Variants in MAPK10 observed in about 807,000 individuals in gnomAD.
MAPK10 encodes the protein JNK3 alpha protein kinase.
MAPK10 carries 25 observed loss-of-function variants against 59.3 expected under a neutral mutation model. The ratio of observed to expected loss-of-function variants is 0.42; its 90% CI spans 0.31 to 0.59. The LOEUF is 0.59. MAPK10 is among the 20% of genes least tolerant of loss of function. The pLI is 0.15. For synonymous variants in MAPK10, 190 were observed against 200.5 expected, an observed-to-expected ratio of 0.95 and a Z score of 0.44; for missense variants, 351 against 568.9, an observed-to-expected ratio of 0.62 and a Z score of 3.90.
At chr4:86,434,045 T>C (rs1748389567) in intron 1 of MAPK10, among the ~76,000 whole-genome samples, 1 of 152,156 alleles carries the variant, frequency 6.6e-6, no homozygotes. Context: ...TGATGTAAAA[T>C]ATATATTTGA....
intron 1 of MAPK10, among the ~76,000 whole-genome samples, chr4:86,415,693 C>T (rs1485961741): frequency 2.0e-5 from 3 of 152,222 alleles, no homozygotes; most frequent in East Asian, 3.9e-4. Flanking sequence ...TTAATGGTGA[C>T]CATATATTTT....
At chr4:86,395,554 A>T (rs1742797334) in intron 1 of MAPK10, among the ~76,000 whole-genome samples, 1 of 152,212 alleles carries the variant, frequency 6.6e-6, no homozygotes, top group Non-Finnish European at 1.5e-5. Context: ...TTTGGGGCGG[A>T]GGGAGTTGTG....
chr4:86,054,492 C>T (rs2044169659), intron 11 of MAPK10, among the ~76,000 whole-genome samples: 2 of 152,254 alleles, frequency 1.3e-5, no homozygotes, highest in South Asian at 4.1e-4. Flanking sequence ...TCATATTTTG[C>T]TGCTGAAAGA....
At chr4:86,471,865 A>G (rs1752687303) in intron 1 of MAPK10, among the ~76,000 whole-genome samples, 1 of 152,190 alleles carries the variant, frequency 6.6e-6, no homozygotes, top group Admixed American at 6.5e-5. Context: ...AACTGAATGT[A>G]TAAGTAAAAT....
intron 11 of MAPK10, among the ~76,000 whole-genome samples, chr4:86,061,613 G>A (rs1290703361): frequency 2.0e-5 from 3 of 152,066 alleles, no homozygotes; most frequent in East Asian, 1.9e-4. Flanking sequence ...AAGATAGCTC[G>A]TAGTATAACT....
At position 86,017,451 on chromosome 4, in the gene MAPK10, C is replaced by G; in HGVS notation, c.1253-81G>C. The G allele has an allele frequency of 1.4e-6, 2 of 1,476,348 alleles. No homozygotes were observed. The highest frequency in any genetic ancestry group is 1.9e-6 in the Non-Finnish European group (2 of 1,065,744). The allele number at this position is 1,476,348 out of a possible 1,614,324, so 91.5% of individuals were successfully genotyped here. A position where few individuals can be genotyped will look rare whatever the true frequency, so the allele number is the denominator to read the frequency against. On this transcript the variant is annotated intron_variant, in intron 13 of 13. Coordinates refer to ENST00000641462, the MANE Select transcript of MAPK10 (RefSeq NM_138982.4). The surrounding 1 kb of genome is among the most constrained non-coding windows in gnomAD (Gnocchi z 4.4). ...ATGCCATTCAGGATTCAGGGATGGG[C>G]AAATACAATAGGGGATGTCCAGTCC...
At chr4:86,570,239 C>T (rs560089901) in intron 1 of MAPK10, among the ~76,000 whole-genome samples, 15 of 152,146 alleles carry the variant, frequency 9.9e-5, no homozygotes, top group Non-Finnish European at 1.8e-4. Context: ...CAGCAAACTA[C>T]ACTGCATGTT....
intron 1 of MAPK10, among the ~76,000 whole-genome samples, chr4:86,386,993 C>T (rs987776364): frequency 6.6e-6 from 1 of 151,636 alleles, no homozygotes; most frequent in South Asian, 2.1e-4. Context: ...AAAGAGTGTA[C>T]AGAAAGAAAA....
intron 4 of MAPK10, among the ~76,000 whole-genome samples, chr4:86,142,311 G>A (rs2063807124): frequency 6.6e-6 from 1 of 152,168 alleles, no homozygotes; most frequent in Non-Finnish European, 1.5e-5. Flanking sequence ...CTGCGTTAAT[G>A]GACAAGCCTT....
intron 4 of MAPK10, among the ~76,000 whole-genome samples, chr4:86,114,678 G>A (rs1418784869): frequency 6.6e-6 from 1 of 152,214 alleles, no homozygotes; most frequent in Admixed American, 6.5e-5. Context: ...TCAGGGAACT[G>A]TTTAAAGAAC....
chr4:86,532,910 A>G (rs1048537213), intron 1 of MAPK10, among the ~76,000 whole-genome samples: 2 of 152,152 alleles, frequency 1.3e-5, no homozygotes, highest in Non-Finnish European at 2.9e-5. Flanking sequence ...CTAGCAGTTA[A>G]GGGATTGGGG....
intron 1 of MAPK10, among the ~76,000 whole-genome samples, chr4:86,439,884 GA>G (rs1221480537): frequency 6.6e-6 from 1 of 151,644 alleles, no homozygotes; most frequent in African/African-American, 2.4e-5. Flanking sequence ...TTTAATCCAA[GA>G]AAAAAAATCA....
In MAPK10 at chr4:86,580,506, A is replaced by G. The variant is rs1321245531; in HGVS notation, c.-263+13404T>C. 4.6e-5 allele frequency among the ~76,000 whole-genome samples: 7 copies of G among 152,124 alleles called. No individual in the cohort carries two copies. The East Asian group carries it at 1.4e-3, about 29-fold the overall frequency. On this transcript the variant is annotated intron_variant, in intron 1 of 4. Coordinates refer to the MAPK10 transcript ENST00000502302. ...AGAGCGAGACTCCACCTCAGAAAAAAAAAAGTAAATCAGTGGTCTTAATGT... is the reference window on the plus strand; with the variant it reads ...AGAGCGAGACTCCACCTCAGAAAAAGAAAAGTAAATCAGTGGTCTTAATGT...
chr4:86,098,656 T>C (rs2054696927), intron 8 of MAPK10, 61 bp from the exon 9 acceptor site: 1 of 1,305,186 alleles, frequency 7.7e-7, no homozygotes, highest in Admixed American at 1.7e-5. Context: ...ACTAAGATAA[T>C]TGACTTCTGA....
intron 2 of MAPK10, among the ~76,000 whole-genome samples, chr4:86,208,541 A>G (rs181885473): frequency 6.6e-6 from 1 of 151,374 alleles, no homozygotes; most frequent in Non-Finnish European, 1.5e-5. Flanking sequence ...ATTCAACAAC[A>G]CTTCATGCTA....
chr4:86,576,436 T>C (rs1761894331), intron 1 of MAPK10, among the ~76,000 whole-genome samples: 1 of 152,144 alleles, frequency 6.6e-6, no homozygotes, highest in Non-Finnish European at 1.5e-5. Flanking sequence ...AGAACATTTC[T>C]TAAACTGAAA....
chr4:86,235,200 G>A (rs2092086644), intron 2 of MAPK10, among the ~76,000 whole-genome samples: 1 of 152,142 alleles, frequency 6.6e-6, no homozygotes, highest in Non-Finnish European at 1.5e-5. Flanking sequence ...TGAAGGAATG[G>A]AGGCCCCAAA....
intron 1 of MAPK10, among the ~76,000 whole-genome samples, chr4:86,443,500 T>A (rs1396917815): frequency 6.6e-6 from 1 of 150,558 alleles, no homozygotes; most frequent in Non-Finnish European, 1.5e-5. Flanking sequence ...CCACCTAAGA[T>A]GGGTGCAAGG....
chr4:86,545,295 G>A (rs1759057037), intron 1 of MAPK10, among the ~76,000 whole-genome samples: 1 of 152,236 alleles, frequency 6.6e-6, no homozygotes, highest in Non-Finnish European at 1.5e-5. Context: ...GAAAAAATGT[G>A]ATACTTTCTC....
Sources: allele counts gnomAD v4.1 joint callset (sites outside exome capture counted in the v4.1 genomes callset), GRCh38; gene constraint gnomAD v4.1.1; non-coding constraint Gnocchi (gnomAD v3.1); transcripts MANE v1.5; gene names NCBI Gene and HGNC (gene_info 2026-07-23, HGNC 2026-07-21).